SSBP3: variants seen among roughly 807,000 people sequenced by gnomAD.
SSBP3 encodes single stranded DNA binding protein 3.
A neutral mutation model predicts 69.6 loss-of-function variants in SSBP3; 5 were observed. That is an observed-to-expected ratio of 0.07 (90% confidence interval 0.04 to 0.15). SSBP3 has a LOEUF of 0.15. Among genes scored for constraint, SSBP3 ranks in the 10% least tolerant of loss-of-function variants. The probability of loss-of-function intolerance (pLI) is 1.00; values close to 1 mark genes in which losing one functional copy is unlikely to be tolerated. For synonymous variants in SSBP3, 196 were observed against 193.4 expected, an observed-to-expected ratio of 1.01 and a Z score of -0.11; for missense variants, 312 against 534.0, an observed-to-expected ratio of 0.58 and a Z score of 4.10.
intron 4 of SSBP3, among the ~76,000 whole-genome samples, chr1:54,354,577 G>A (rs1646833818): frequency 6.6e-6 from 1 of 152,104 alleles, no homozygotes; most frequent in South Asian, 2.1e-4. Flanking sequence ...GACCTGCTGG[G>A]CCTCTAACAC....
chr1:54,328,730 A>T (rs1162500964), intron 4 of SSBP3, among the ~76,000 whole-genome samples: 1 of 152,208 alleles, frequency 6.6e-6, no homozygotes, highest in Non-Finnish European at 1.5e-5. Context: ...ACAACCCCAC[A>T]GACTGATTCC....
intron 2 of SSBP3, 55 bp from the exon 3 acceptor site, chr1:54,404,692 G>A: frequency 1.2e-6 from 2 of 1,605,328 alleles, no homozygotes; most frequent in Non-Finnish European, 1.7e-6. Flanking sequence ...GTGGGCTGGG[G>A]GCTTCCCAGA....
At chr1:54,407,198 G>A (rs1415031113), upstream of SSBP3, among the ~76,000 whole-genome samples, 1 of 152,180 alleles carries the variant, frequency 6.6e-6, no homozygotes, top group African/African-American at 2.4e-5. Context: ...TAAGAGGAGG[G>A]AGAGTGATTT....
At chr1:54,255,111 G>A (rs1308126216) in intron 7 of SSBP3, among the ~76,000 whole-genome samples, 6 of 145,344 alleles carry the variant, frequency 4.1e-5, no homozygotes, top group South Asian at 4.7e-4. Flanking sequence ...CATTATAAGC[G>A]TGAGTCACTG....
chr1:54,326,013 G>A (rs866684894), intron 4 of SSBP3, among the ~76,000 whole-genome samples: 9 of 132,038 alleles, frequency 6.8e-5, no homozygotes, highest in African/African-American at 2.3e-4. Flanking sequence ...AGTGAGCACC[G>A]GCCAGAGGCA....
At chr1:54,388,779 A>G (rs568393458) in intron 4 of SSBP3, among the ~76,000 whole-genome samples, 16 of 152,372 alleles carry the variant, frequency 1.1e-4, no homozygotes, top group African/African-American at 3.8e-4. Flanking sequence ...CTAACAGAGA[A>G]GCCTTGCATG....
At chr1:54,384,687 A>G (rs1257728987) in intron 4 of SSBP3, among the ~76,000 whole-genome samples, 1 of 152,246 alleles carries the variant, frequency 6.6e-6, no homozygotes, top group Non-Finnish European at 1.5e-5. Flanking sequence ...TTCTCTAACT[A>G]CAGCCCAGGA....
intron 4 of SSBP3, among the ~76,000 whole-genome samples, chr1:54,318,803 T>TA (rs1410855412): frequency 2.0e-5 from 3 of 152,184 alleles, no homozygotes; most frequent in Admixed American, 1.3e-4. Flanking sequence ...TCCAGACTAT[T>TA]ATATCACTGT....
Position 54,251,711 on chromosome 1 carries a change from G to C in SSBP3, c.575-19C>G. On this transcript the variant is annotated intron_variant, in intron 8 of 17. Coordinates refer to ENST00000610401, the Ensembl canonical transcript of SSBP3. ...GGGTGGCCTGCGTGAGAGAGGAGGC[G>C]CGTCATGGGATGGCAGGAGTGGAGG... The C allele has an allele frequency of 6.4e-7, 1 of 1,571,736 alleles. No individual in the cohort carries two copies. Among genetic ancestry groups the C allele is most frequent in the Middle Eastern group, 1.8e-4 (1 of 5,668 alleles).
At position 54,370,645 on chromosome 1, in the gene SSBP3, G is replaced by C. The variant is rs74071699; in HGVS notation, c.276+31216C>G. On this transcript the variant is annotated intron_variant, in intron 4 of 17. Coordinates refer to ENST00000610401, the Ensembl canonical transcript of SSBP3. Reference sequence around the variant, plus strand: ...ATAAGCCTTGTCTGTCACTGCCCCAGGACTGCTAGAGGGTGCCAATGAGCT... The same window carrying C: ...ATAAGCCTTGTCTGTCACTGCCCCACGACTGCTAGAGGGTGCCAATGAGCT... Among the ~76,000 whole-genome samples the C allele has an allele frequency of 9.1e-3, 1,386 of 152,196 alleles. 20 individuals carry two copies. Among genetic ancestry groups the C allele is most frequent in the African/African-American group, 0.032 (1,342 of 41,508 alleles).
At chr1:54,375,983 G>T (rs72665955) in intron 4 of SSBP3, among the ~76,000 whole-genome samples, 29 of 152,058 alleles carry the variant, frequency 1.9e-4, no homozygotes, top group Non-Finnish European at 7.4e-5. Context: ...GGATAAGTAG[G>T]AGAGGTAGAG....
upstream of SSBP3, among the ~76,000 whole-genome samples, chr1:54,407,916 A>G (rs1013436040): frequency 2.6e-5 from 4 of 152,146 alleles, no homozygotes; most frequent in Non-Finnish European, 4.4e-5. Context: ...CAAAATAAAC[A>G]ATAATTCCCT....
At chr1:54,348,808 AAGTG>A (rs1646733420) in intron 4 of SSBP3, among the ~76,000 whole-genome samples, 2 of 152,216 alleles carry the variant, frequency 1.3e-5, no homozygotes, top group Non-Finnish European at 2.9e-5. Flanking sequence ...AAGGCCTTGG[AAGTG>A]AGTTCACAGG....
intron 4 of SSBP3, among the ~76,000 whole-genome samples, chr1:54,341,220 C>T (rs1194500905): frequency 2.0e-5 from 3 of 152,238 alleles, no homozygotes; most frequent in South Asian, 4.2e-4. Context: ...CTAGGCTCCA[C>T]GTCTTTCCAC....
chr1:54,276,608 CAAA>C (rs746933473), intron 5 of SSBP3, among the ~76,000 whole-genome samples: 1,524 of 35,066 alleles, frequency 0.043, 22 homozygotes, highest in East Asian at 0.22. Context: ...GACTCTGTCT[CAAA>C]AAAAAAAAAA....
At chr1:54,405,008 A>G in intron 1 of SSBP3, 78 bp from the exon 2 acceptor site, 2 of 1,324,240 alleles carry the variant, frequency 1.5e-6, no homozygotes, top group Non-Finnish European at 2.2e-6. Context: ...CCTTGCCAGC[A>G]GGCTTTGAGC....
At chr1:54,385,025 G>A (rs923887716) in intron 4 of SSBP3, among the ~76,000 whole-genome samples, 5 of 152,178 alleles carry the variant, frequency 3.3e-5, no homozygotes, top group Non-Finnish European at 4.4e-5. Flanking sequence ...GCAGGGACAG[G>A]GAAGGACATA....
At chr1:54,387,314 A>G (rs1450929822) in intron 4 of SSBP3, among the ~76,000 whole-genome samples, 1 of 152,134 alleles carries the variant, frequency 6.6e-6, no homozygotes, top group African/African-American at 2.4e-5. Context: ...CTGAAATCCA[A>G]CCTCTCCTTG....
intron 4 of SSBP3, among the ~76,000 whole-genome samples, chr1:54,369,223 G>GGGT (rs1553146730): frequency 6.6e-6 from 1 of 150,588 alleles, no homozygotes; most frequent in African/African-American, 2.5e-5. Flanking sequence ...TGAGTCGGGG[G>GGGT]GGGGGCCCAA....
Sources: gnomAD v4.1 joint callset for allele counts (sites outside exome capture counted in the v4.1 genomes callset) on GRCh38, gnomAD v4.1.1 for gene constraint, MANE v1.5 for transcripts, NCBI Gene and HGNC (gene_info 2026-07-23, HGNC 2026-07-21) for gene names.